Variants in RNF216 observed in about 807,000 individuals in gnomAD.
RNF216 encodes E3 ubiquitin-protein ligase RNF216.
A neutral mutation model predicts 110.8 loss-of-function variants in RNF216; 72 were observed. The observed-to-expected ratio is 0.65, with a 90% CI of 0.54 to 0.79. The LOEUF is 0.79. RNF216 is among the 30% of genes least tolerant of loss of function. The pLI is 0.00. For synonymous variants in RNF216, 495 were observed against 407.5 expected (o/e 1.21, Z -2.59); for missense variants, 1,342 against 1,141.2 (o/e 1.18, Z -2.54).
At chr7:5,710,550 T>C (rs968144340) in intron 13 of RNF216, among the ~76,000 whole-genome samples, 1 of 152,102 alleles carries the variant, frequency 6.6e-6, no homozygotes, top group Non-Finnish European at 1.5e-5. Flanking sequence ...GTGCTGTACA[T>C]TTCTCACCTG....
intron 5 of RNF216, among the ~76,000 whole-genome samples, chr7:5,736,678 C>A (rs1794429718): frequency 6.6e-6 from 1 of 151,208 alleles, no homozygotes; most frequent in South Asian, 2.1e-4. Context: ...AAGTGAGGAG[C>A]GTCTCTGCCG....
intron 13 of RNF216, among the ~76,000 whole-genome samples, chr7:5,710,904 T>C (rs1037981333): frequency 6.6e-6 from 1 of 152,206 alleles, no homozygotes; most frequent in Non-Finnish European, 1.5e-5. Flanking sequence ...GTTGTGACAA[T>C]TGTTATAGCA....
chr7:5,706,014 A>G (rs1235671875), intron 13 of RNF216, among the ~76,000 whole-genome samples: 2 of 151,732 alleles, frequency 1.3e-5, no homozygotes, highest in Non-Finnish European at 2.9e-5. Context: ...AGGTCAGGAG[A>G]TCAAGATCAT....
chr7:5,769,267 G>A (rs190830563), intron 1 of RNF216, among the ~76,000 whole-genome samples: 1,843 of 151,582 alleles, frequency 0.012, 32 homozygotes, highest in African/African-American at 0.041. Context: ...ACAGGCGTGC[G>A]CCACCACGCC....
chr7:5,643,093 TC>T (rs1787841024), intron 14 of RNF216, among the ~76,000 whole-genome samples: 1 of 152,120 alleles, frequency 6.6e-6, no homozygotes, highest in African/African-American at 2.4e-5. Context: ...AAAAAGGCTC[TC>T]CTAAAATGGA....
chr7:5,763,401 A>T (rs1348065339), intron 1 of RNF216, among the ~76,000 whole-genome samples: 1 of 152,048 alleles, frequency 6.6e-6, no homozygotes, highest in Non-Finnish European at 1.5e-5. Flanking sequence ...GAGGCTGAGG[A>T]GGGCAGATCA....
chr7:5,768,344 A>AACACACACACACACACACACACACAC (rs1225522361), intron 1 of RNF216, among the ~76,000 whole-genome samples: 2 of 14,168 alleles, frequency 1.4e-4, no homozygotes, highest in Admixed American at 2.1e-3. Context: ...GAGGCAGGCA[A>AACACACACACACACACACACACACAC]ATACACACAC....
At chr7:5,652,693 G>T (rs910384419) in intron 13 of RNF216, among the ~76,000 whole-genome samples, 183 bp from the exon 14 acceptor site, 14 of 152,136 alleles carry the variant, frequency 9.2e-5, no homozygotes, top group African/African-American at 2.9e-4. Context: ...GAGGTGGTAG[G>T]GCTAGGTGGC....
At chr7:5,744,928 C>T (rs960416579) in intron 3 of RNF216, among the ~76,000 whole-genome samples, 17 of 151,640 alleles carry the variant, frequency 1.1e-4, no homozygotes, top group Non-Finnish European at 2.1e-4. Context: ...GCCAAGATCG[C>T]GCCATTGCAC....
chr7:5,725,398 G>A lies in RNF216; in HGVS notation c.1430C>T (p.Pro477Leu). Residue 477 changes from proline to leucine, a missense_variant, in exon 8 of 17, where the codon CCA becomes CTA. Pro to Leu is a moderately conservative substitution (Grantham distance 98). Transcript: ENST00000389902. Reference sequence around the variant, plus strand: ...CTTCTTCCTTTTTCCACTGGTTTCTGGTGACAGCTCCTGCCATTTTTTAAT... The same window carrying A: ...CTTCTTCCTTTTTCCACTGGTTTCTAGTGACAGCTCCTGCCATTTTTTAAT... Reference protein sequence around the residue: ...DAIKKWQELSPETSGKRKKRK... With the variant: ...DAIKKWQELSLETSGKRKKRK... 1 of 1,613,728 alleles carries A rather than the reference G, an allele frequency of 6.2e-7. No homozygotes were observed. The highest frequency in any genetic ancestry group is 8.5e-7 in the Non-Finnish European group (1 of 1,179,646).
chr7:5,719,693 C>A (rs992846217), intron 9 of RNF216, among the ~76,000 whole-genome samples: 2 of 152,186 alleles, frequency 1.3e-5, no homozygotes, highest in African/African-American at 4.8e-5. Flanking sequence ...ACAATAAATT[C>A]TAATTTCTGC....
chr7:5,681,716 G>GACCACACTGCGAA (rs1790663817), intron 13 of RNF216, among the ~76,000 whole-genome samples: 1 of 152,188 alleles, frequency 6.6e-6, no homozygotes, highest in Admixed American at 6.5e-5. Flanking sequence ...CAACTTACCA[G>GACCACACTGCGAA]ACCACACTGC....
chr7:5,652,593 T>A (rs547095484), intron 13 of RNF216, 83 bp from the exon 14 acceptor site: 2 of 877,142 alleles, frequency 2.3e-6, no homozygotes, highest in Non-Finnish European at 3.8e-6. Flanking sequence ...GGATATGAAA[T>A]GAGCTTTACT....
At chr7:5,658,367 T>C (rs1003013038) in intron 13 of RNF216, among the ~76,000 whole-genome samples, 3 of 152,176 alleles carry the variant, frequency 2.0e-5, no homozygotes, top group South Asian at 2.1e-4. Context: ...TTAAATAAAA[T>C]TATTTTGGGC....
At chr7:5,697,198 TA>T (rs66511486) in intron 13 of RNF216, among the ~76,000 whole-genome samples, 10,398 of 152,246 alleles carry the variant, frequency 0.068, 1,176 homozygotes, top group African/African-American at 0.24. Context: ...TCTCCGCCAA[TA>T]AGACCCCACC....
At chr7:5,738,599 T>TC (rs1794572226) in intron 5 of RNF216, among the ~76,000 whole-genome samples, 1 of 149,906 alleles carries the variant, frequency 6.7e-6, no homozygotes, top group Non-Finnish European at 1.5e-5. Context: ...TCCCAGCTAC[T>TC]CGGGAGGCTG....
At chr7:5,732,193 T>A (rs1794132924) in intron 5 of RNF216, among the ~76,000 whole-genome samples, 1 of 152,146 alleles carries the variant, frequency 6.6e-6, no homozygotes, top group Admixed American at 6.5e-5. Context: ...TAATTCTCCA[T>A]CCTAGAATTC....
chr7:5,649,383 A>G (rs1343939093), intron 14 of RNF216, among the ~76,000 whole-genome samples: 1 of 88,192 alleles, frequency 1.1e-5, no homozygotes, highest in East Asian at 2.7e-3. Flanking sequence ...TCCGTCTCCA[A>G]AGGAAAAAAA....
At chr7:5,726,074 C>A (rs971036119) in intron 7 of RNF216, among the ~76,000 whole-genome samples, 5 of 151,956 alleles carry the variant, frequency 3.3e-5, no homozygotes, top group African/African-American at 1.2e-4. Flanking sequence ...CTTAGGTGTT[C>A]AAGGCTTGCC....
Sources: gnomAD v4.1 joint callset for allele counts (sites outside exome capture counted in the v4.1 genomes callset) on GRCh38, gnomAD v4.1.1 for gene constraint, MANE v1.5 for transcripts, NCBI Gene and HGNC (gene_info 2026-07-23, HGNC 2026-07-21) for gene names.